COTL1: variants seen among roughly 807,000 people sequenced by gnomAD.
The protein encoded by COTL1 is coactosin-like protein.
A neutral mutation model predicts 16.5 loss-of-function variants in COTL1; 15 were observed. That is an observed-to-expected ratio of 0.91 (90% confidence interval 0.61 to 1.40). COTL1 has a LOEUF of 1.40. Ranked by LOEUF, COTL1 falls within the 40% of genes most tolerant of loss-of-function variation. The probability of loss-of-function intolerance (pLI) is 0.00; values close to 1 mark genes in which losing one functional copy is unlikely to be tolerated. For synonymous variants in COTL1, 112 were observed against 85.3 expected, an observed-to-expected ratio of 1.31 and a Z score of -1.73; for missense variants, 220 against 201.5, an observed-to-expected ratio of 1.09 and a Z score of -0.56.
intron 2 of COTL1, among the ~76,000 whole-genome samples, chr16:84,611,851 C>T: frequency 6.6e-6 from 1 of 152,186 alleles, no homozygotes; most frequent in East Asian, 1.9e-4. Flanking sequence ...CAGCCACTGC[C>T]TCGCCACACA....
intron 1 of COTL1, 56 bp downstream of exon 1, chr16:84,617,782 C>G (rs1905536890): frequency 6.6e-7 from 1 of 1,511,796 alleles, no homozygotes; most frequent in Non-Finnish European, 9.0e-7. Flanking sequence ...GCTCGGTGCA[C>G]GAGGCCCCGC....
At chr16:84,592,725 A>G (rs906881342) in intron 2 of COTL1, among the ~76,000 whole-genome samples, 2 of 152,188 alleles carry the variant, frequency 1.3e-5, no homozygotes, top group South Asian at 2.1e-4. Context: ...TACAGGAGAT[A>G]CTGGCCTGCA....
At chr16:84,614,517 T>C (rs896031303) in intron 2 of COTL1, among the ~76,000 whole-genome samples, 1 of 150,842 alleles carries the variant, frequency 6.6e-6, no homozygotes, top group African/African-American at 2.4e-5. Context: ...GAAGGGACAG[T>C]AGCCTGAGGT....
intron 2 of COTL1, among the ~76,000 whole-genome samples, chr16:84,605,443 C>G (rs1043345571): frequency 6.6e-6 from 1 of 152,244 alleles, no homozygotes; most frequent in Non-Finnish European, 1.5e-5. Flanking sequence ...AACCCCAAAA[C>G]TGTGAATATG....
At chr16:84,593,779 G>A (rs1256781838) in intron 2 of COTL1, among the ~76,000 whole-genome samples, 2 of 152,252 alleles carry the variant, frequency 1.3e-5, no homozygotes, top group East Asian at 1.9e-4. Flanking sequence ...GATTACAAGC[G>A]TGAGCCACCG....
intron 3 of COTL1, 127 bp from the exon 4 acceptor site, chr16:84,567,082 A>G: frequency 1.6e-6 from 1 of 636,638 alleles, no homozygotes; most frequent in South Asian, 1.6e-5. Flanking sequence ...ATGGAAATTC[A>G]GCAGCAGAGT....
chr16:84,612,047 C>T (rs909957860), intron 2 of COTL1, among the ~76,000 whole-genome samples: 1 of 152,144 alleles, frequency 6.6e-6, no homozygotes, highest in Non-Finnish European at 1.5e-5. Context: ...CATCTCTCCC[C>T]CTTCCATCTT....
At chr16:84,610,747 T>C (rs2967873) in intron 2 of COTL1, among the ~76,000 whole-genome samples, 152,156 of 152,204 alleles carry the variant, frequency 1, 76,054 homozygotes, top group Non-Finnish European at 1. Context: ...AACATCAATC[T>C]CTACATCTCT....
chr16:84,617,429 C>G (rs2150699970), intron 2 of COTL1, 72 bp downstream of exon 2: 1 of 1,445,132 alleles, frequency 6.9e-7, no homozygotes, highest in South Asian at 1.2e-5. Flanking sequence ...CGGGTTCGCT[C>G]TGGCCGGGGC....
chr16:84,605,409 GGC>G (rs1905192812), intron 2 of COTL1, among the ~76,000 whole-genome samples: 1 of 152,206 alleles, frequency 6.6e-6, no homozygotes, highest in African/African-American at 2.4e-5. Flanking sequence ...GCAAAACAAC[GGC>G]CCCTAAGACA....
At chr16:84,617,477 C>G in intron 2 of COTL1, 24 bp downstream of exon 2, 8 of 1,546,724 alleles carry the variant, frequency 5.2e-6, no homozygotes, top group Non-Finnish European at 7.0e-6. Flanking sequence ...ACCGCGCATC[C>G]GCCCGGCAGG....
intron 3 of COTL1, among the ~76,000 whole-genome samples, chr16:84,581,280 C>T (rs1374283605): frequency 2.6e-5 from 4 of 152,272 alleles, no homozygotes; most frequent in Non-Finnish European, 4.4e-5. Context: ...ATGCAAATAC[C>T]GTCCTTCCAT....
intron 3 of COTL1, among the ~76,000 whole-genome samples, chr16:84,584,880 A>C (rs966276981): frequency 2.6e-5 from 4 of 152,230 alleles, no homozygotes; most frequent in Non-Finnish European, 5.9e-5. Context: ...CAGAGAGGGT[A>C]AGCCATGTGC....
At chr16:84,615,876 T>TGTGTGTGTGTGTGTGTGTGC (rs755850381) in intron 2 of COTL1, 5 of 149,942 alleles carry the variant, frequency 3.3e-5, no homozygotes, top group African/African-American at 1.2e-4. Context: ...TGTGTGTGTG[T>TGTGTGTGTGTGTGTGTGTGC]GCGCGCACGC....
chr16:84,573,764 TAC>T (rs1567530933), intron 3 of COTL1, among the ~76,000 whole-genome samples: 49 of 80,026 alleles, frequency 6.1e-4, no homozygotes, highest in Non-Finnish European at 2.2e-4. Flanking sequence ...TATATATATA[TAC>T]ATACACACAC....
At chr16:84,617,797 G>A in intron 1 of COTL1, 41 bp downstream of exon 1, 3 of 1,537,294 alleles carry the variant, frequency 2.0e-6, no homozygotes, top group Non-Finnish European at 2.6e-6. Context: ...CCCCGCGCGA[G>A]CCCGGGGAGC....
chr16:84,576,201 A>G (rs181417605), intron 3 of COTL1: 1 of 152,258 alleles, frequency 6.6e-6, no homozygotes. Flanking sequence ...TCAGGGAACA[A>G]GGAGGCCTGT....
In COTL1 at chr16:84,590,726, G is replaced by C. The variant is rs1490273990; in HGVS notation, c.161-464C>G. 1.3e-5 allele frequency among the ~76,000 whole-genome samples: 2 copies of C among 152,298 alleles called. No homozygotes were observed. The highest frequency in any genetic ancestry group is 2.9e-5 in the Non-Finnish European group (2 of 68,026). On this transcript the variant is annotated intron_variant, in intron 2 of 3. Transcript: ENST00000262428. This position sits in a 1 kb window ranked among gnomAD's most constrained non-coding sequence, Gnocchi z 5.5. ...AAAATTTAAAAAGGCTCAAATTATG[G>C]ATCTTATTTAGGGACCAGAAATTCA...
chr16:84,605,277 C>T (rs1167323242), intron 2 of COTL1, among the ~76,000 whole-genome samples: 1 of 152,220 alleles, frequency 6.6e-6, no homozygotes, highest in Non-Finnish European at 1.5e-5. Flanking sequence ...GAGAAGCACA[C>T]ACGCCAGGTA....
Sources: allele counts gnomAD v4.1 joint callset (sites outside exome capture counted in the v4.1 genomes callset), GRCh38; gene constraint gnomAD v4.1.1; non-coding constraint Gnocchi (gnomAD v3.1); transcripts MANE v1.5; gene names NCBI Gene and HGNC (gene_info 2026-07-23, HGNC 2026-07-21).